The following HCRTR2 variants were observed in gnomAD, a reference collection of about 807,000 sequenced individuals.
HCRTR2 encodes the protein orexin receptor type 2.
A neutral mutation model predicts 49.0 loss-of-function variants in HCRTR2; 22 were observed. The observed-to-expected ratio is 0.45, with a 90% CI of 0.32 to 0.64. The LOEUF (loss-of-function observed/expected upper bound fraction) is 0.64, where lower values mean the gene tolerates loss of function less well. Ranked by LOEUF, HCRTR2 falls within the 30% of genes least tolerant of loss-of-function variation. The pLI is 0.04. For synonymous variants in HCRTR2, 236 were observed against 205.3 expected (o/e 1.15, Z -1.28); for missense variants, 491 against 559.4 (o/e 0.88, Z 1.23).
At position 55,133,646 on chromosome 6, in the gene HCRTR2, TTATC is replaced by T. The variant is rs768016218; in HGVS notation, c.-378+27114_-378+27117del. 8.3e-3 allele frequency among the ~76,000 whole-genome samples: 1,213 copies of T among 146,672 alleles called. 12 individuals are homozygous for T. The highest frequency in any genetic ancestry group is 0.016 in the Admixed American group (225 of 14,100). On this transcript the variant is annotated intron_variant, in intron 1 of 7. Transcript: ENST00000615358. ...GACATAGCTATATATCTACATGTATTTATCTATCTATCTATCATCTATCTATCTA... is the reference window on the plus strand; with the variant it reads ...GACATAGCTATATATCTACATGTATTTATCTATCTATCATCTATCTATCTA...
At chr6:55,270,850 A>G (rs755666349) in intron 4 of HCRTR2, among the ~76,000 whole-genome samples, 1 of 152,190 alleles carries the variant, frequency 6.6e-6, no homozygotes, top group South Asian at 2.1e-4. Context: ...CAATCGGTAC[A>G]CAACATATAC....
intron 1 of HCRTR2, among the ~76,000 whole-genome samples, chr6:55,191,912 T>G (rs1765322527): frequency 6.6e-6 from 1 of 152,188 alleles, no homozygotes. Context: ...TTTGCAAATA[T>G]TCTACCTTCA....
At chr6:55,274,691 T>C (rs962019863) in intron 4 of HCRTR2, among the ~76,000 whole-genome samples, 25 of 152,256 alleles carry the variant, frequency 1.6e-4, no homozygotes, top group African/African-American at 5.5e-4. Context: ...CTAGAATAAA[T>C]CTGATTGAGC....
At chr6:55,247,949 T>C (rs1170620082) in intron 1 of HCRTR2, among the ~76,000 whole-genome samples, 1 of 152,112 alleles carries the variant, frequency 6.6e-6, no homozygotes, top group African/African-American at 2.4e-5. Context: ...ACCACAAGCA[T>C]TGGAGCTAAA....
chr6:55,191,828 A>G (rs1053291601), intron 1 of HCRTR2, among the ~76,000 whole-genome samples: 12 of 152,136 alleles, frequency 7.9e-5, no homozygotes, highest in South Asian at 4.1e-4. Context: ...AGAAGAAAAC[A>G]TAAGACTTTA....
chr6:55,228,636 C>G (rs1031336499), intron 1 of HCRTR2, among the ~76,000 whole-genome samples: 7 of 152,140 alleles, frequency 4.6e-5, no homozygotes, highest in Admixed American at 2.6e-4. Flanking sequence ...CCAATAGCCC[C>G]TGAGATATTG....
chr6:55,155,132 T>C (rs920419350), intron 1 of HCRTR2, among the ~76,000 whole-genome samples: 3 of 151,696 alleles, frequency 2.0e-5, no homozygotes, highest in Admixed American at 1.3e-4. Context: ...TTAATATTGC[T>C]AAATGTACAT....
chr6:55,129,104 G>T (rs778067031), intron 1 of HCRTR2, among the ~76,000 whole-genome samples: 8 of 152,108 alleles, frequency 5.3e-5, no homozygotes, highest in Non-Finnish European at 8.8e-5. Context: ...CTAGAAAACA[G>T]TCTTTGACAT....
chr6:55,266,003 G>C (rs985317887), intron 4 of HCRTR2, among the ~76,000 whole-genome samples: 7 of 151,966 alleles, frequency 4.6e-5, no homozygotes, highest in African/African-American at 1.7e-4. Context: ...AAAAACCAGG[G>C]CTTCAGGCTG....
In HCRTR2 at chr6:55,151,498, C is replaced by T. The variant is rs115110023; in HGVS notation, c.-377-22713C>T. ...GATTTGTCATGAGATTGTAGTAATT[C>T]AGTCACATCTTCAGGCTCCACTTCT... On this transcript the variant is annotated intron_variant, in intron 1 of 7. Transcript: ENST00000615358. 4.4e-3 allele frequency among the ~76,000 whole-genome samples: 663 copies of T among 152,028 alleles called. 6 individuals are homozygous for T. Among genetic ancestry groups the T allele is most frequent in the African/African-American group, 0.015 (615 of 41,526 alleles).
chr6:55,166,403 T>TGTC (rs59385977), intron 1 of HCRTR2, among the ~76,000 whole-genome samples: 1 of 147,426 alleles, frequency 6.8e-6, no homozygotes, highest in Non-Finnish European at 1.5e-5. Context: ...TGAGAATTGT[T>TGTC]AGTTTTTTTT....
intron 1 of HCRTR2, among the ~76,000 whole-genome samples, chr6:55,184,043 T>C (rs1765177228): frequency 6.6e-6 from 1 of 152,110 alleles, no homozygotes; most frequent in Non-Finnish European, 1.5e-5. Context: ...TTCTCCTGCC[T>C]CAGCCTCCCC....
intron 1 of HCRTR2, among the ~76,000 whole-genome samples, chr6:55,140,592 G>A (rs937154164): frequency 2.0e-5 from 3 of 151,908 alleles, no homozygotes; most frequent in African/African-American, 4.8e-5. Context: ...ATCACAACTG[G>A]CATTTATAAA....
chr6:55,145,030 C>G (rs1436605878), intron 1 of HCRTR2, among the ~76,000 whole-genome samples: 1 of 152,144 alleles, frequency 6.6e-6, no homozygotes, highest in East Asian at 1.9e-4. Flanking sequence ...AAAAGCTACC[C>G]GTCTACTTTG....
rs151104553 is a variant in HCRTR2 at position 55,200,506 on chromosome 6, G to A, written c.223+25696G>A. ...GTGTTTTTTGAAAAGACTTTTTCCT[G>A]ATTCAGAAGGTGGGACTCACAATTG... is the stretch of plus-strand genomic sequence containing the variant. On this transcript the variant is annotated intron_variant, in intron 1 of 6. Transcript: ENST00000370862. 3.1e-3 allele frequency among the ~76,000 whole-genome samples: 479 copies of A among 152,114 alleles called. 1 individual carries two copies. The highest frequency in any genetic ancestry group is 0.011 in the African/African-American group (460 of 41,532).
chr6:55,117,461 G>T (rs1343061842), intron 1 of HCRTR2, among the ~76,000 whole-genome samples: 3 of 151,376 alleles, frequency 2.0e-5, no homozygotes, highest in African/African-American at 7.3e-5. Flanking sequence ...CATATTCATG[G>T]GGTACATGTG....
intron 4 of HCRTR2, among the ~76,000 whole-genome samples, chr6:55,277,176 T>TC (rs1485857480): frequency 2.0e-5 from 3 of 152,198 alleles, no homozygotes; most frequent in Admixed American, 6.5e-5. Context: ...AACTTTTTTT[T>TC]CCACACAAAC....
chr6:55,185,686 A>G (rs1765206135), intron 1 of HCRTR2, among the ~76,000 whole-genome samples: 1 of 152,156 alleles, frequency 6.6e-6, no homozygotes, highest in Admixed American at 6.5e-5. Context: ...CATATTTTCA[A>G]CTATCCCCTG....
intron 1 of HCRTR2, among the ~76,000 whole-genome samples, chr6:55,204,116 C>T (rs1175128177): frequency 1.3e-5 from 2 of 152,156 alleles, no homozygotes; most frequent in Non-Finnish European, 1.5e-5. Flanking sequence ...TCTATCCCCT[C>T]TCATAAGGGC....
Sources: gnomAD v4.1 joint callset for allele counts (sites outside exome capture counted in the v4.1 genomes callset) on GRCh38, gnomAD v4.1.1 for gene constraint, MANE v1.5 for transcripts, NCBI Gene and HGNC (gene_info 2026-07-23, HGNC 2026-07-21) for gene names.